The following HGD variants were observed in gnomAD, a reference collection of about 807,000 sequenced individuals.
HGD encodes the protein homogentisate 1,2-dioxygenase.
A neutral mutation model predicts 60.8 loss-of-function variants in HGD; 61 were observed. That is an observed-to-expected ratio of 1.00 (90% CI 0.82 to 1.24). HGD has a LOEUF of 1.24. Among genes scored for constraint, HGD ranks in the 50% most tolerant of loss-of-function variants. The pLI is 0.00. For synonymous variants in HGD, 212 were observed against 187.7 expected (o/e 1.13, Z -1.06); for missense variants, 542 against 547.1 (o/e 0.99, Z 0.09).
intron 1 of HGD, among the ~76,000 whole-genome samples, chr3:120,681,259 G>C (rs894201957): frequency 2.0e-5 from 3 of 152,220 alleles, no homozygotes; most frequent in Non-Finnish European, 4.4e-5. Context: ...AAGGTTCTGG[G>C]CAGTTCTGTT....
At chr3:120,656,516 A>G (rs1941498942) in intron 4 of HGD, among the ~76,000 whole-genome samples, 1 of 151,992 alleles carries the variant, frequency 6.6e-6, no homozygotes, top group Non-Finnish European at 1.5e-5. Flanking sequence ...AGGCACTAAC[A>G]ACATTGCTAA....
At chr3:120,628,876 C>T (rs1259837697) in intron 13 of HGD, among the ~76,000 whole-genome samples, 1 of 152,212 alleles carries the variant, frequency 6.6e-6, no homozygotes, top group African/African-American at 2.4e-5. Flanking sequence ...GAATATCCAT[C>T]TTCTGAGGGC....
At chr3:120,637,764 A>C (rs773452094) in intron 12 of HGD, among the ~76,000 whole-genome samples, 5 of 152,194 alleles carry the variant, frequency 3.3e-5, no homozygotes, top group Non-Finnish European at 7.3e-5. Context: ...ACTTGTTTAG[A>C]AGCCTTTCTA....
At chr3:120,644,716 T>A in intron 9 of HGD, 1 of 924,182 alleles carries the variant, frequency 1.1e-6, no homozygotes, top group Non-Finnish European at 1.6e-6. Flanking sequence ...ATCTTATCAC[T>A]ACAGGTGAGG....
chr3:120,669,478 CA>C (rs1707977491), intron 4 of HGD, among the ~76,000 whole-genome samples: 1 of 151,816 alleles, frequency 6.6e-6, no homozygotes, highest in African/African-American at 2.4e-5. Flanking sequence ...CACACACACA[CA>C]CACACACGCA....
intron 12 of HGD, among the ~76,000 whole-genome samples, chr3:120,637,011 A>AT (rs1940803246): frequency 6.6e-6 from 1 of 152,222 alleles, no homozygotes; most frequent in Admixed American, 6.5e-5. Context: ...AGGAAGTAGA[A>AT]TTGCACATTG....
intron 4 of HGD, among the ~76,000 whole-genome samples, chr3:120,664,690 C>G (rs921606019): frequency 7.2e-5 from 11 of 152,084 alleles, no homozygotes; most frequent in African/African-American, 2.7e-4. Context: ...CTTGGCCTCC[C>G]AAAGTGCTGG....
At chr3:120,646,225 T>G in intron 9 of HGD, 42 bp downstream of exon 9, 1 of 1,179,190 alleles carries the variant, frequency 8.5e-7, no homozygotes, top group Non-Finnish European at 1.3e-6. Flanking sequence ...ATCTGAGTCC[T>G]ACATCTCAAG....
intron 4 of HGD, among the ~76,000 whole-genome samples, chr3:120,661,915 C>T (rs1707777615): frequency 6.6e-6 from 1 of 152,128 alleles, no homozygotes; most frequent in Admixed American, 6.5e-5. Flanking sequence ...CTGGATACTG[C>T]AGATCAGATG....
At chr3:120,651,140 T>C (rs984329478) in intron 5 of HGD, among the ~76,000 whole-genome samples, 2 of 152,332 alleles carry the variant, frequency 1.3e-5, no homozygotes, top group South Asian at 4.1e-4. Context: ...GTTCATTACT[T>C]GGTATTTTAT....
intron 1 of HGD, among the ~76,000 whole-genome samples, chr3:120,681,775 G>C (rs1708234586): frequency 6.6e-6 from 1 of 152,154 alleles, no homozygotes; most frequent in Non-Finnish European, 1.5e-5. Flanking sequence ...TCAGAGCAGG[G>C]GTTGGGAAAA....
chr3:120,661,260 C>T (rs1014256623), intron 4 of HGD, among the ~76,000 whole-genome samples: 1 of 152,186 alleles, frequency 6.6e-6, no homozygotes, highest in African/African-American at 2.4e-5. Flanking sequence ...ACCTGGTCTT[C>T]CAAATTGACC....
intron 11 of HGD, among the ~76,000 whole-genome samples, chr3:120,640,341 T>A (rs2107500808): frequency 6.6e-6 from 1 of 152,104 alleles, no homozygotes; most frequent in Non-Finnish European, 1.5e-5. Context: ...GAGATTTTGT[T>A]AAGAGGAGAG....
At chr3:120,679,154 G>A (rs1708187050) in intron 1 of HGD, among the ~76,000 whole-genome samples, 1 of 152,208 alleles carries the variant, frequency 6.6e-6, no homozygotes, top group African/African-American at 2.4e-5. Flanking sequence ...CTCTTTGGCA[G>A]CTTATGAGTA....
At chr3:120,652,771 CTTGTGATT>C (rs1941383638) in intron 4 of HGD, 120 bp from the exon 5 acceptor site, 1 of 696,078 alleles carries the variant, frequency 1.4e-6, no homozygotes. Flanking sequence ...TGAGGCTCTA[CTTGTGATT>C]TTGTTATATT....
At chr3:120,662,642 T>C (rs1027521153) in intron 4 of HGD, among the ~76,000 whole-genome samples, 7 of 152,228 alleles carry the variant, frequency 4.6e-5, no homozygotes, top group African/African-American at 1.4e-4. Context: ...AATCCTCTAT[T>C]GCTCAAGGAG....
At chr3:120,634,146 G>C (rs544478459) in intron 12 of HGD, among the ~76,000 whole-genome samples, 105 of 152,286 alleles carry the variant, frequency 6.9e-4, no homozygotes, top group Middle Eastern at 3.4e-3. Flanking sequence ...GCCTGGATGT[G>C]AATGGAAGCT....
chr3:120,679,409 C>A (rs148785826), intron 1 of HGD, among the ~76,000 whole-genome samples: 1 of 151,952 alleles, frequency 6.6e-6, no homozygotes, highest in Non-Finnish European at 1.5e-5. Flanking sequence ...TTGATGGGAA[C>A]ATAGAACATA....
rs184150186 is a variant in HGD, at chr3:120,660,036, T to C, written c.283-7385A>G. ...CTCATGACAGTGAGTTCTCATGAGA[T>C]CTGGTCTTTAAAAGCGTGTAGCACC... On this transcript the variant is annotated intron_variant, in intron 4 of 13. Transcript: ENST00000283871. 1.1e-4 allele frequency among the ~76,000 whole-genome samples: 17 copies of C among 152,142 alleles called. No homozygotes were observed. In the East Asian group the frequency reaches 3.3e-3, roughly 29 times the overall value.
Sources: allele counts gnomAD v4.1 joint callset (sites outside exome capture counted in the v4.1 genomes callset), GRCh38; gene constraint gnomAD v4.1.1; transcripts MANE v1.5; gene names NCBI Gene and HGNC (gene_info 2026-07-23, HGNC 2026-07-21).